Variants in KIF1B observed in about 807,000 individuals in gnomAD.
KIF1B encodes the protein kinesin-like protein KIF1B.
Under a neutral mutation model 241.9 loss-of-function variants are expected in KIF1B, and 76 were observed. The ratio of observed to expected loss-of-function variants is 0.31; its 90% CI spans 0.26 to 0.38. KIF1B has a LOEUF of 0.38. KIF1B is among the 10% of genes least tolerant of loss of function. KIF1B has a pLI of 1.00. For missense variants in KIF1B, 1,622 were observed against 2,271.4 expected (o/e 0.71, Z 5.81); for synonymous variants, 750 against 796.7 (o/e 0.94, Z 0.99).
At chr1:10,292,805 A>G (rs905886389) in intron 17 of KIF1B, among the ~76,000 whole-genome samples, 3 of 152,220 alleles carry the variant, frequency 2.0e-5, no homozygotes, top group African/African-American at 7.2e-5. Flanking sequence ...ATGACTATCA[A>G]ATGGTTATTT....
chr1:10,359,968 G>A (rs1333616281), intron 38 of KIF1B, among the ~76,000 whole-genome samples: 1 of 151,998 alleles, frequency 6.6e-6, no homozygotes, highest in Non-Finnish European at 1.5e-5. Flanking sequence ...AAGAGGCAGA[G>A]GTTGCAGTGA....
chr1:10,377,176 C>G lies in KIF1B; in HGVS notation c.*589C>G, dbSNP rs1638913296. The G allele has an allele frequency of 4.2e-6, 1 of 238,954 alleles. No individual in the cohort carries two copies. 14.8% of individuals were successfully genotyped at this position (238,954 alleles called of 1,614,324 possible). Reference sequence around the variant, plus strand: ...TGTCTCTTTTTGCCATGGCTAATCCCTGCATTTCCATTCAGGGAAAAGGTG... The same window carrying G: ...TGTCTCTTTTTGCCATGGCTAATCCGTGCATTTCCATTCAGGGAAAAGGTG... On this transcript the variant is annotated 3_prime_UTR_variant, in exon 49 of 49. Transcript: ENST00000676179.
chr1:10,303,216 C>T lies in KIF1B; in HGVS notation c.2115+5970C>T. On this transcript the variant is annotated intron_variant, in intron 22 of 48. Coordinates refer to ENST00000676179, the MANE Select transcript of KIF1B (RefSeq NM_001365951.3). The surrounding 1 kb of genome is among the most constrained non-coding windows in gnomAD (Gnocchi z 5.2). Reference sequence around the variant, plus strand: ...CTGACAAGAGGTCGTGTGAAGAGAGCTGGAAACTGATTACTTCTCTGAGAG... The same window carrying T: ...CTGACAAGAGGTCGTGTGAAGAGAGTTGGAAACTGATTACTTCTCTGAGAG... The T allele has an allele frequency of 6.2e-7, 1 of 1,614,044 alleles. No individual in the cohort carries two copies. Among genetic ancestry groups the T allele is most frequent in the Admixed American group, 1.7e-5 (1 of 60,004 alleles).
At chr1:10,356,385 T>C (rs761404334) in intron 38 of KIF1B, among the ~76,000 whole-genome samples, 18 of 151,778 alleles carry the variant, frequency 1.2e-4, no homozygotes, top group Non-Finnish European at 2.7e-4. Flanking sequence ...TACATAAACA[T>C]ATTTATATAT....
At chr1:10,249,692 A>G (rs1217795729) in intron 2 of KIF1B, among the ~76,000 whole-genome samples, 1 of 152,218 alleles carries the variant, frequency 6.6e-6, no homozygotes, top group East Asian at 1.9e-4. Context: ...GCTTCAGCCC[A>G]GGAGTTCGAG....
chr1:10,310,153 C>T (rs58809829), intron 22 of KIF1B, among the ~76,000 whole-genome samples: 2,159 of 151,712 alleles, frequency 0.014, 137 homozygotes, highest in African/African-American at 0.049. Flanking sequence ...TTATTCACTT[C>T]GCCAGTCATA....
intron 27 of KIF1B, among the ~76,000 whole-genome samples, chr1:10,328,236 T>C (rs1651794293): frequency 6.6e-6 from 1 of 152,176 alleles, no homozygotes; most frequent in Non-Finnish European, 1.5e-5. Context: ...AGTATGGTAT[T>C]GGTCACATGG....
chr1:10,212,141 A>T (rs1646701567), intron 1 of KIF1B, among the ~76,000 whole-genome samples: 1 of 152,172 alleles, frequency 6.6e-6, no homozygotes, highest in South Asian at 2.1e-4. Flanking sequence ...TTGTGTCATG[A>T]TGTGCCTGTC....
chr1:10,278,018 A>G lies in KIF1B; in HGVS notation c.1070A>G (p.Asn357Ser). ...YADRAKQIKCNAVINEDPNAK... is the reference protein window; with the variant it reads ...YADRAKQIKCSAVINEDPNAK... ...GATCGTGCAAAACAAATTAAATGCA[A>G]TGCTGTTATCAATGAGGACCCCAAT... Residue 357 changes from asparagine to serine, a missense_variant, in exon 13 of 49, where the codon AAT (asparagine) becomes AGT (serine). Coordinates refer to ENST00000676179, the MANE Select transcript of KIF1B (RefSeq NM_001365951.3). 2 of 1,614,086 alleles carry G rather than the reference A, an allele frequency of 1.2e-6. No homozygotes were observed. The highest frequency in any genetic ancestry group is 1.6e-4 in the Middle Eastern group (1 of 6,062).
At chr1:10,348,396 A>T (rs905226815) in intron 36 of KIF1B, among the ~76,000 whole-genome samples, 3 of 152,262 alleles carry the variant, frequency 2.0e-5, no homozygotes, top group Non-Finnish European at 2.9e-5. Context: ...GTGACAGATT[A>T]TGGTTATTCT....
At chr1:10,246,946 C>T (rs1177553054) in intron 2 of KIF1B, among the ~76,000 whole-genome samples, 1 of 152,134 alleles carries the variant, frequency 6.6e-6, no homozygotes, top group Non-Finnish European at 1.5e-5. Context: ...ACACTTGCAG[C>T]CTCTGCCTCC....
intron 1 of KIF1B, among the ~76,000 whole-genome samples, chr1:10,219,481 G>A (rs1172807717): frequency 1.3e-5 from 2 of 150,748 alleles, no homozygotes; most frequent in Non-Finnish European, 2.9e-5. Context: ...AATAGGCCAG[G>A]CCTTATGGCT....
Position 10,380,361 on chromosome 1 carries a change from T to C in KIF1B, c.*3774T>C, listed in dbSNP as rs758707350. 4.9e-6 allele frequency: 1 copy of C among 202,912 alleles called. No homozygotes were observed. Among genetic ancestry groups the C allele is most frequent in the Non-Finnish European group, 1.0e-5 (1 of 98,534 alleles). 12.6% of individuals were successfully genotyped at this position (202,912 alleles called of 1,614,324 possible). ...TATCAGGGCTTGTTTGACTTAGGTC[T>C]TTCAGTTTTCCTTTCGGTTCCCTTT... On this transcript the variant is annotated 3_prime_UTR_variant, in exon 49 of 49. Transcript: ENST00000676179.
chr1:10,237,837 T>C (rs1647077688), intron 2 of KIF1B, among the ~76,000 whole-genome samples: 1 of 151,566 alleles, frequency 6.6e-6, no homozygotes, highest in African/African-American at 2.4e-5. Flanking sequence ...CGAAACCCTG[T>C]CTCTACAAAA....
intron 2 of KIF1B, among the ~76,000 whole-genome samples, chr1:10,249,393 A>G (rs1290524491): frequency 6.6e-6 from 1 of 151,830 alleles, no homozygotes; most frequent in African/African-American, 2.4e-5. Context: ...ACAGCTATAC[A>G]CTGTTTTTCT....
chr1:10,292,622 C>G (rs1650053297), intron 17 of KIF1B, among the ~76,000 whole-genome samples: 1 of 152,228 alleles, frequency 6.6e-6, no homozygotes, highest in South Asian at 2.1e-4. Flanking sequence ...CCCTATCCTT[C>G]TAGACTCCTC....
chr1:10,321,685 A>T (rs576557280), intron 23 of KIF1B, 24 bp from the exon 24 acceptor site: 2 of 1,612,602 alleles, frequency 1.2e-6, no homozygotes, highest in African/African-American at 1.3e-5. Context: ...ATTGCCATTA[A>T]ATATGCATCA....
chr1:10,370,825 G>A (rs1410019872), intron 44 of KIF1B, among the ~76,000 whole-genome samples: 1 of 151,956 alleles, frequency 6.6e-6, no homozygotes, highest in Non-Finnish European at 1.5e-5. Flanking sequence ...ACCAGTTGTG[G>A]TGGTACACGC....
chr1:10,277,642 A>T (rs1011201901), intron 12 of KIF1B, among the ~76,000 whole-genome samples: 5 of 151,998 alleles, frequency 3.3e-5, no homozygotes, highest in Admixed American at 6.6e-5. Context: ...CGAGGCCTGT[A>T]TTTTTTTATG....
Sources: allele counts gnomAD v4.1 joint callset (sites outside exome capture counted in the v4.1 genomes callset), GRCh38; gene constraint gnomAD v4.1.1; non-coding constraint Gnocchi (gnomAD v3.1); transcripts MANE v1.5; gene names NCBI Gene and HGNC (gene_info 2026-07-23, HGNC 2026-07-21).